ARHGAP10: variants seen among roughly 807,000 people sequenced by gnomAD.
ARHGAP10 encodes the protein rho GTPase-activating protein 10.
A neutral mutation model predicts 108.6 loss-of-function variants in ARHGAP10; 87 were observed. That is an observed-to-expected ratio of 0.80 (90% CI 0.67 to 0.96). The LOEUF is 0.96. Ranked by LOEUF, ARHGAP10 falls within the 40% of genes least tolerant of loss-of-function variation. ARHGAP10 has a pLI of 0.00. For missense variants in ARHGAP10, 939 were observed against 954.5 expected, an observed-to-expected ratio of 0.98 and a Z score of 0.21; for synonymous variants, 347 against 341.1, an observed-to-expected ratio of 1.02 and a Z score of -0.19.
Position 147,959,364 on chromosome 4 carries a change from T to C in ARHGAP10, c.1450+3990T>C, listed in dbSNP as rs543785954. Among the ~76,000 whole-genome samples, 7 of 152,240 alleles carry C rather than the reference T, an allele frequency of 4.6e-5. No homozygotes were observed. The East Asian group carries it at 9.7e-4, about 21-fold the overall frequency. On this transcript the variant is annotated intron_variant, in intron 16 of 22. Transcript: ENST00000336498. The stretch of plus-strand genomic sequence containing the variant: ...GAAAGGTTTTGACTCTATTTTTCTT[T>C]TTTTAAATTTTTTAAAATTATACTC...
intron 13 of ARHGAP10, among the ~76,000 whole-genome samples, chr4:147,927,362 A>G (rs1737502903): frequency 6.6e-6 from 1 of 152,214 alleles, no homozygotes; most frequent in Admixed American, 6.5e-5. Context: ...CCTTGGCCCA[A>G]GAGAGATGCA....
At chr4:147,922,724 C>G (rs1349273498) in intron 13 of ARHGAP10, among the ~76,000 whole-genome samples, 1 of 151,744 alleles carries the variant, frequency 6.6e-6, no homozygotes, top group Non-Finnish European at 1.5e-5. Flanking sequence ...TTCATACTAC[C>G]TCCCACCCAG....
chr4:147,797,677 C>T (rs544152939), intron 1 of ARHGAP10, among the ~76,000 whole-genome samples: 1 of 152,304 alleles, frequency 6.6e-6, no homozygotes, highest in East Asian at 1.9e-4. Flanking sequence ...TCCCAGAGTG[C>T]TGGGATTACA....
At chr4:147,955,610 G>A (rs1032575559) in intron 16 of ARHGAP10, among the ~76,000 whole-genome samples, 15 of 152,052 alleles carry the variant, frequency 9.9e-5, no homozygotes, top group African/African-American at 3.4e-4. Flanking sequence ...GATATGTAAA[G>A]CCAAGACAGG....
chr4:147,741,767 T>TACACACACACACACAC (rs369661175), intron 1 of ARHGAP10, among the ~76,000 whole-genome samples: 2 of 134,566 alleles, frequency 1.5e-5, no homozygotes, highest in African/African-American at 5.6e-5. Context: ...TCGTTCTCTT[T>TACACACACACACACAC]ACACACACAC....
intron 20 of ARHGAP10, among the ~76,000 whole-genome samples, chr4:148,054,179 T>TG (rs1729263766): frequency 6.6e-6 from 1 of 152,264 alleles, no homozygotes; most frequent in African/African-American, 2.4e-5. Context: ...AAGGACCTCA[T>TG]GGGCTCTCTC....
At chr4:147,879,447 T>C (rs1735236711) in intron 9 of ARHGAP10, 109 bp downstream of exon 9, 1 of 911,016 alleles carries the variant, frequency 1.1e-6, no homozygotes, top group Non-Finnish European at 1.6e-6. Context: ...GGATGGTAAA[T>C]AAATTGTTAG....
rs543748080 is a variant in ARHGAP10, at chr4:147,871,607, C to T, written c.703-3414C>T. Among the ~76,000 whole-genome samples the T allele has an allele frequency of 6.6e-5, 10 of 152,116 alleles. No individual in the cohort carries two copies. The East Asian group carries it at 9.6e-4, about 15-fold the overall frequency. ...AAGATAGCATTAGACAGTGTCCTACCGTATAGATTATTGTGAGGATTAAAG... is the reference window on the plus strand; with the variant it reads ...AAGATAGCATTAGACAGTGTCCTACTGTATAGATTATTGTGAGGATTAAAG... On this transcript the variant is annotated intron_variant, in intron 7 of 22. Transcript: ENST00000336498.
In ARHGAP10 at chr4:147,869,998, T is replaced by TTTTGTGTG. The variant is rs1553958574; in HGVS notation, c.702+3183_702+3184insTTGTGTGT. 1.4e-3 allele frequency among the ~76,000 whole-genome samples: 126 copies of TTTTGTGTG among 93,110 alleles called. 2 individuals carry two copies. Among genetic ancestry groups the TTTTGTGTG allele is most frequent in the African/African-American group, 4.7e-3 (108 of 22,792 alleles). The allele number at this position is 93,110 out of a possible 152,430, so 61.1% of individuals were successfully genotyped here. On this transcript the variant is annotated intron_variant, in intron 7 of 22. Coordinates refer to ENST00000336498, the MANE Select transcript of ARHGAP10 (RefSeq NM_024605.4). ...ACATATTGTTGAAAAAAGTCCCAGT[T>TTTTGTGTG]TGTGTGTGTGTGTGTGTGTGTGTGT... is the stretch of plus-strand genomic sequence containing the variant.
intron 19 of ARHGAP10, among the ~76,000 whole-genome samples, chr4:148,045,738 CAAAAAAAAAAAA>C (rs11363800): frequency 5.0e-4 from 29 of 57,522 alleles, no homozygotes; most frequent in African/African-American, 2.0e-3. Context: ...AACTCCATCT[CAAAAAAAAAAAA>C]AAAAAAAAAA....
At chr4:147,769,008 G>A (rs1049867847) in intron 1 of ARHGAP10, among the ~76,000 whole-genome samples, 5 of 152,022 alleles carry the variant, frequency 3.3e-5, no homozygotes, top group African/African-American at 1.2e-4. Context: ...AAAGTGCTGG[G>A]ATTACAGGTG....
intron 3 of ARHGAP10, among the ~76,000 whole-genome samples, chr4:147,846,716 T>C (rs1733648174): frequency 6.6e-6 from 1 of 152,238 alleles, no homozygotes; most frequent in Non-Finnish European, 1.5e-5. Flanking sequence ...TGGTTGTATT[T>C]GAACAAGTAG....
intron 1 of ARHGAP10, among the ~76,000 whole-genome samples, chr4:147,792,952 A>G (rs1731173740): frequency 6.6e-6 from 1 of 152,144 alleles, no homozygotes. Flanking sequence ...CAGCCTGGCT[A>G]ACATGGTGAA....
At chr4:147,793,421 A>G (rs986002023) in intron 1 of ARHGAP10, among the ~76,000 whole-genome samples, 1 of 152,026 alleles carries the variant, frequency 6.6e-6, no homozygotes, top group Admixed American at 6.6e-5. Flanking sequence ...GCAATATCTT[A>G]GGAGTTGAAC....
chr4:147,829,200 G>A (rs1732848048), intron 3 of ARHGAP10, among the ~76,000 whole-genome samples: 1 of 152,042 alleles, frequency 6.6e-6, no homozygotes, highest in Non-Finnish European at 1.5e-5. Flanking sequence ...ACACGCGGGT[G>A]CCACTATGTC....
chr4:147,732,155 C>T lies in ARHGAP10; in HGVS notation c.-147C>T. 5 of 669,828 alleles carry T rather than the reference C, an allele frequency of 7.5e-6. No homozygotes were observed. Among genetic ancestry groups the T allele is most frequent in the Non-Finnish European group, 1.1e-5 (5 of 459,996 alleles). The allele number at this position is 669,828 out of a possible 1,614,324, so 41.5% of individuals were successfully genotyped here. A position where few individuals can be genotyped will look rare whatever the true frequency, so the allele number is the denominator to read the frequency against. ...CGCCGCAGGACTCGGCTCTACGGGACATGTCCGTGCCGCGCTCGCCGCGCG... is the reference window on the plus strand; with the variant it reads ...CGCCGCAGGACTCGGCTCTACGGGATATGTCCGTGCCGCGCTCGCCGCGCG... On this transcript the variant is annotated 5_prime_UTR_variant, in exon 1 of 23. Coordinates refer to ENST00000336498, the MANE Select transcript of ARHGAP10 (RefSeq NM_024605.4).
At chr4:148,000,229 C>T (rs905499500) in intron 18 of ARHGAP10, among the ~76,000 whole-genome samples, 1 of 152,100 alleles carries the variant, frequency 6.6e-6, no homozygotes, top group East Asian at 1.9e-4. Context: ...TTTCCAGCTT[C>T]ATCCATGTCC....
intron 3 of ARHGAP10, among the ~76,000 whole-genome samples, chr4:147,826,290 G>A (rs1437462574): frequency 6.6e-6 from 1 of 152,214 alleles, no homozygotes; most frequent in Non-Finnish European, 1.5e-5. Context: ...AGCATGGTTT[G>A]CAGAGCTGTT....
At chr4:147,901,978 T>G (rs1381204898) in intron 10 of ARHGAP10, among the ~76,000 whole-genome samples, 1 of 152,208 alleles carries the variant, frequency 6.6e-6, no homozygotes, top group Non-Finnish European at 1.5e-5. Flanking sequence ...TTTGAGAGTG[T>G]AAGTATATGT....
Sources: gnomAD v4.1 joint callset for allele counts (sites outside exome capture counted in the v4.1 genomes callset) on GRCh38, gnomAD v4.1.1 for gene constraint, MANE v1.5 for transcripts, NCBI Gene and HGNC (gene_info 2026-07-23, HGNC 2026-07-21) for gene names.